MAGI1: variants seen among roughly 807,000 people sequenced by gnomAD.
MAGI1 encodes the protein membrane-associated guanylate kinase, WW and PDZ domain-containing protein 1.
Under a neutral mutation model 139.9 loss-of-function variants are expected in MAGI1, and 58 were observed. The observed-to-expected ratio is 0.41, with a 90% CI of 0.34 to 0.52. The LOEUF is 0.52. Ranked by LOEUF, MAGI1 falls within the 20% of genes least tolerant of loss-of-function variation. MAGI1 has a pLI of 0.12. For synonymous variants in MAGI1, 812 were observed against 737.9 expected (o/e 1.10, Z -1.63); for missense variants, 1,874 against 1,901.6 (o/e 0.99, Z 0.27).
intron 5 of MAGI1, among the ~76,000 whole-genome samples, chr3:65,469,380 C>T (rs1192277050): frequency 6.6e-6 from 1 of 151,802 alleles, no homozygotes; most frequent in Non-Finnish European, 1.5e-5. Flanking sequence ...TGGTGAATCT[C>T]AATGATAGGA....
intron 1 of MAGI1, among the ~76,000 whole-genome samples, chr3:65,936,590 CAAA>C (rs747000741): frequency 1.7e-5 from 2 of 116,044 alleles, no homozygotes; most frequent in Non-Finnish European, 3.7e-5. Flanking sequence ...GACTCCCTCT[CAAA>C]AAAAAAAAAA....
chr3:65,687,739 G>A (rs1374456721), intron 1 of MAGI1: 1 of 546,982 alleles, frequency 1.8e-6, no homozygotes, highest in African/African-American at 1.9e-5. Context: ...AAGCCTGAGA[G>A]CACAGGATCC....
Position 65,683,190 on chromosome 3 carries a change from C to A in MAGI1, c.314-61102G>T, listed in dbSNP as rs536952432. On this transcript the variant is annotated intron_variant, in intron 1 of 22. Coordinates refer to ENST00000402939, the MANE Select transcript of MAGI1 (RefSeq NM_001033057.2). ...CTGTGTGGCCTGGGGGATGGGGACC[C>A]CTGGTATACAATGGTGGATACATGT... Among the ~76,000 whole-genome samples the A allele has an allele frequency of 2.1e-4, 32 of 152,160 alleles. No individual in the cohort carries two copies. The South Asian group carries it at 6.4e-3, about 31-fold the overall frequency.
At chr3:65,446,797 T>A (rs1466752361) in intron 7 of MAGI1, among the ~76,000 whole-genome samples, 1 of 152,210 alleles carries the variant, frequency 6.6e-6, no homozygotes, top group African/African-American at 2.4e-5. Context: ...AAGTCATCCC[T>A]CTCACAATGA....
At chr3:65,608,856 G>A (rs2082887415) in intron 2 of MAGI1, among the ~76,000 whole-genome samples, 1 of 152,130 alleles carries the variant, frequency 6.6e-6, no homozygotes, top group Non-Finnish European at 1.5e-5. Context: ...ATCAACAGAA[G>A]AATGGGTAAG....
chr3:65,752,249 T>C (rs1027403296), intron 1 of MAGI1, among the ~76,000 whole-genome samples: 1 of 152,176 alleles, frequency 6.6e-6, no homozygotes, highest in Non-Finnish European at 1.5e-5. Flanking sequence ...GCAAAGATAC[T>C]TAGAAGTAGC....
At chr3:65,794,049 C>T (rs1241770337) in intron 1 of MAGI1, among the ~76,000 whole-genome samples, 1 of 152,154 alleles carries the variant, frequency 6.6e-6, no homozygotes, top group Non-Finnish European at 1.5e-5. Context: ...ATTTATTGCG[C>T]TACCACAATA....
intron 1 of MAGI1, among the ~76,000 whole-genome samples, chr3:65,820,070 G>A (rs754960584): frequency 6.6e-6 from 1 of 151,824 alleles, no homozygotes; most frequent in African/African-American, 2.4e-5. Context: ...TTATTAATCA[G>A]TTGATTGACC....
chr3:65,397,312 C>T (rs1944469376), intron 13 of MAGI1, among the ~76,000 whole-genome samples: 1 of 152,146 alleles, frequency 6.6e-6, no homozygotes, highest in Admixed American at 6.5e-5. Flanking sequence ...CCTCACATCT[C>T]TTAATGACTA....
chr3:65,734,108 G>A (rs1343266763), intron 1 of MAGI1, among the ~76,000 whole-genome samples: 3 of 152,166 alleles, frequency 2.0e-5, no homozygotes, highest in Non-Finnish European at 2.9e-5. Flanking sequence ...ACAGGGTTTG[G>A]AGAACAGATA....
intron 1 of MAGI1, among the ~76,000 whole-genome samples, chr3:65,906,185 G>A (rs193207700): frequency 1.1e-4 from 16 of 152,216 alleles, no homozygotes; most frequent in Admixed American, 2.6e-4. Flanking sequence ...TATATTACTC[G>A]AAATAGGACT....
chr3:66,025,007 A>C (rs995510676), intron 1 of MAGI1, among the ~76,000 whole-genome samples: 3 of 152,218 alleles, frequency 2.0e-5, no homozygotes, highest in African/African-American at 7.2e-5. Context: ...AAGCCTTAAA[A>C]AGAAATAATT....
At chr3:65,799,355 C>T (rs1029105535) in intron 1 of MAGI1, among the ~76,000 whole-genome samples, 2 of 152,140 alleles carry the variant, frequency 1.3e-5, no homozygotes, top group Non-Finnish European at 2.9e-5. Flanking sequence ...CGAGCCTATA[C>T]AAAGACTTCA....
intron 1 of MAGI1, among the ~76,000 whole-genome samples, chr3:65,735,387 T>C (rs1219952367): frequency 3.4e-5 from 2 of 58,880 alleles, no homozygotes; most frequent in African/African-American, 1.4e-4. Flanking sequence ...GTACAGGAGA[T>C]CAACAGAAAA....
At chr3:65,388,216 T>C (rs1943601750) in intron 14 of MAGI1, among the ~76,000 whole-genome samples, 1 of 152,158 alleles carries the variant, frequency 6.6e-6, no homozygotes, top group Admixed American at 6.5e-5. Context: ...GATGGCCATA[T>C]CAAAAATATG....
At position 65,356,479 on chromosome 3, in the gene MAGI1, C is replaced by T. The variant is rs780845400; in HGVS notation, c.4288G>A (p.Glu1430Lys). The T allele has an allele frequency of 8.7e-6, 14 of 1,611,850 alleles. No homozygotes were observed. The East Asian group carries it at 2.9e-4, about 33-fold the overall frequency. ...GCATCCTGTTTCAGATTCGCCTCTT[C>T]CCTTTCTCGGTGGCTGGCTCTGTCC... is the stretch of plus-strand genomic sequence containing the variant. ...REDRASHRER[E>K]EANLKQDAGR... The change falls in exon 23 of 23, where the codon GAA (glutamate) becomes AAA (lysine). Residue 1430 changes from glutamate (E) to lysine (K), a missense_variant. Coordinates refer to ENST00000402939, the MANE Select transcript of MAGI1 (RefSeq NM_001033057.2).
chr3:65,507,846 A>AT (rs576285344), intron 2 of MAGI1, among the ~76,000 whole-genome samples: 6 of 151,658 alleles, frequency 4.0e-5, no homozygotes, highest in Admixed American at 3.3e-4. Flanking sequence ...CATAGAAATT[A>AT]TTTTTTTTCA....
intron 2 of MAGI1, among the ~76,000 whole-genome samples, chr3:65,534,842 G>T (rs2078886666): frequency 6.6e-6 from 1 of 152,148 alleles, no homozygotes; most frequent in Admixed American, 6.6e-5. Context: ...TCAGTAGGAG[G>T]TTTCAGCTCT....
chr3:65,984,527 T>TGC (rs1191352788), intron 1 of MAGI1, among the ~76,000 whole-genome samples: 1 of 150,264 alleles, frequency 6.7e-6, no homozygotes, highest in Non-Finnish European at 1.5e-5. Flanking sequence ...TGTGTGTGTG[T>TGC]GTGTGTGTGT....
Sources: gnomAD v4.1 joint callset for allele counts (sites outside exome capture counted in the v4.1 genomes callset) on GRCh38, gnomAD v4.1.1 for gene constraint, MANE v1.5 for transcripts, NCBI Gene and HGNC (gene_info 2026-07-23, HGNC 2026-07-21) for gene names.